Variants in MMD2 observed in about 807,000 individuals in gnomAD.
MMD2 encodes the protein monocyte to macrophage differentiation factor 2.
A neutral mutation model predicts 33.5 loss-of-function variants in MMD2; 30 were observed. That is an observed-to-expected ratio of 0.90 (90% CI 0.67 to 1.22). The LOEUF is 1.22. Among genes scored for constraint, MMD2 ranks in the 50% most tolerant of loss-of-function variants. The pLI is 0.00. For synonymous variants in MMD2, 129 were observed against 123.0 expected (o/e 1.05, Z -0.32); for missense variants, 364 against 325.4 (o/e 1.12, Z -0.91).
rs548634288 is a variant in MMD2 at position 4,934,952 on chromosome 7, G to A, written c.48-9420C>T. On this transcript the variant is annotated intron_variant, in intron 1 of 6. Coordinates refer to ENST00000401401, the MANE Select transcript of MMD2 (RefSeq NM_198403.4). The stretch of plus-strand genomic sequence containing the variant: ...TGTGATCCCAGCACTTTGAAAGGCT[G>A]AGGTGGGCGGATAACCTGAGATCAG... 2.6e-5 allele frequency among the ~76,000 whole-genome samples: 4 copies of A among 152,332 alleles called. No individual in the cohort carries two copies. In the East Asian group the frequency reaches 7.7e-4, roughly 29 times the overall value.
At chr7:4,925,629 A>AGT in intron 1 of MMD2, 97 bp from the exon 2 acceptor site, 17 of 789,648 alleles carry the variant, frequency 2.2e-5, no homozygotes, top group Non-Finnish European at 3.0e-5. Flanking sequence ...ACTGGTAGGA[A>AGT]AAGAAGAGCA....
chr7:4,934,911 C>A (rs562776450), intron 1 of MMD2, among the ~76,000 whole-genome samples: 1 of 152,144 alleles, frequency 6.6e-6, no homozygotes, highest in African/African-American at 2.4e-5. Flanking sequence ...TAAGGCCGAG[C>A]GGGGTGGCTC....
At chr7:4,916,304 C>G (rs539564831) in intron 3 of MMD2, among the ~76,000 whole-genome samples, 1 of 151,886 alleles carries the variant, frequency 6.6e-6, no homozygotes, top group African/African-American at 2.4e-5. Context: ...ATGGAGACAC[C>G]TTGCCTCGGG....
downstream of MMD2, among the ~76,000 whole-genome samples, chr7:4,903,876 G>A (rs910936022): frequency 3.9e-5 from 6 of 152,140 alleles, no homozygotes; most frequent in Non-Finnish European, 5.9e-5. Context: ...GGAACCTCAC[G>A]GCCCCAGGGA....
In MMD2 at chr7:4,928,850, C is replaced by A. The variant is rs575673269; in HGVS notation, c.48-3318G>T. 9.9e-5 allele frequency among the ~76,000 whole-genome samples: 15 copies of A among 151,658 alleles called. No individual in the cohort carries two copies. In the South Asian group the frequency reaches 3.1e-3, roughly 32 times the overall value. On this transcript the variant is annotated intron_variant, in intron 1 of 6. Coordinates refer to ENST00000401401, the MANE Select transcript of MMD2 (RefSeq NM_198403.4). ...AGTTCATGAAGCATTTATTAAGCAC[C>A]TTTTGTGTGCTGGATCCATGCTAAG...
downstream of MMD2, among the ~76,000 whole-genome samples, chr7:4,902,881 G>A (rs554021010): frequency 2.6e-5 from 4 of 152,288 alleles, no homozygotes; most frequent in South Asian, 6.2e-4. Flanking sequence ...CACTTCCTGA[G>A]CCCAGTAGCA....
intron 1 of MMD2, among the ~76,000 whole-genome samples, chr7:4,945,012 A>ACCTCTC (rs563843987): frequency 4.8e-4 from 57 of 118,612 alleles, no homozygotes; most frequent in South Asian, 2.2e-3. Flanking sequence ...TTCTTTTCTT[A>ACCTCTC]CCTCTCCCTC....
At chr7:4,922,629 C>A (rs2115107543) in intron 2 of MMD2, among the ~76,000 whole-genome samples, 1 of 152,210 alleles carries the variant, frequency 6.6e-6, no homozygotes. Context: ...GGCTGGAGTG[C>A]AGTGGTACAA....
chr7:4,892,798 C>G, the MMD2 span, among the ~76,000 whole-genome samples: 1 of 151,682 alleles, frequency 6.6e-6, no homozygotes, highest in African/African-American at 2.4e-5. Flanking sequence ...TCACTGCAAC[C>G]TCTGCCTCCT....
chr7:4,929,434 C>T (rs933540475), intron 1 of MMD2, among the ~76,000 whole-genome samples: 7 of 152,112 alleles, frequency 4.6e-5, no homozygotes, highest in Admixed American at 6.6e-5. Context: ...CAGAACACGC[C>T]GCCCATCCAC....
chr7:4,909,820 C>A, intron 6 of MMD2, 61 bp downstream of exon 6: 1 of 1,560,594 alleles, frequency 6.4e-7, no homozygotes, highest in Non-Finnish European at 8.7e-7. Flanking sequence ...ACAGCCAGGT[C>A]CAGCTCGGAC....
At chr7:4,952,275 G>A (rs999792581) in intron 1 of MMD2, among the ~76,000 whole-genome samples, 6 of 152,338 alleles carry the variant, frequency 3.9e-5, no homozygotes, top group Middle Eastern at 3.4e-3. Flanking sequence ...AAAGGCCCGG[G>A]ACTTGGGACA....
At chr7:4,898,166 C>G in the MMD2 span, among the ~76,000 whole-genome samples, 4 of 152,310 alleles carry the variant, frequency 2.6e-5, no homozygotes, top group African/African-American at 7.2e-5. Flanking sequence ...ATCACAAAGA[C>G]AAGAGGCCAT....
intron 4 of MMD2, 150 bp from the exon 5 acceptor site, chr7:4,911,396 G>A: frequency 1.6e-6 from 1 of 606,472 alleles, no homozygotes. Context: ...CAGGAAGACG[G>A]GTGAACAGGC....
At chr7:4,895,468 C>A in the MMD2 span, among the ~76,000 whole-genome samples, 1 of 152,136 alleles carries the variant, frequency 6.6e-6, no homozygotes, top group African/African-American at 2.4e-5. Context: ...ACGGGGTCAG[C>A]GGTTTTGACT....
chr7:4,929,680 A>T (rs775832456), intron 1 of MMD2, among the ~76,000 whole-genome samples: 9 of 151,676 alleles, frequency 5.9e-5, no homozygotes, highest in Non-Finnish European at 1.5e-5. Flanking sequence ...GCCCGCCACC[A>T]CACTCGGCTA....
At chr7:4,903,683 C>A (rs1450289454), downstream of MMD2, among the ~76,000 whole-genome samples, 1 of 152,192 alleles carries the variant, frequency 6.6e-6, no homozygotes, top group Non-Finnish European at 1.5e-5. Context: ...GCTGCCCTCC[C>A]AAATGTGAGT....
chr7:4,936,950 G>A (rs957509852), intron 1 of MMD2, among the ~76,000 whole-genome samples: 1 of 150,842 alleles, frequency 6.6e-6, no homozygotes. Flanking sequence ...TGGTCAGGAT[G>A]GTCTCAAACT....
intron 1 of MMD2, among the ~76,000 whole-genome samples, chr7:4,947,864 A>G (rs1182886225): frequency 6.7e-6 from 1 of 150,364 alleles, no homozygotes; most frequent in East Asian, 2.0e-4. Context: ...ACACCTGGCT[A>G]ATTTTTTGTA....
Sources: gnomAD v4.1 joint callset for allele counts (sites outside exome capture counted in the v4.1 genomes callset) on GRCh38, gnomAD v4.1.1 for gene constraint, MANE v1.5 for transcripts, NCBI Gene and HGNC (gene_info 2026-07-23, HGNC 2026-07-21) for gene names.